The following ZNF732 variants were observed in gnomAD, a reference collection of about 807,000 sequenced individuals.
ZNF732 encodes the protein zinc finger protein LOC654254.
In ZNF732, 12 loss-of-function variants were observed where a neutral mutation model predicts 11.5. The ratio of observed to expected loss-of-function variants is 1.05; its 90% CI spans 0.67 to 1.70. ZNF732 has a LOEUF of 1.70. Among genes scored for constraint, ZNF732 ranks in the 40% most tolerant of loss-of-function variants. The probability of loss-of-function intolerance (pLI) is 0.00; values close to 1 mark genes in which losing one functional copy is unlikely to be tolerated. For missense variants in ZNF732, 702 were observed against 676.9 expected, an observed-to-expected ratio of 1.04 and a Z score of -0.41; for synonymous variants, 231 against 236.5, an observed-to-expected ratio of 0.98 and a Z score of 0.21.
At chr4:285,278 T>G (rs782617554) in intron 3 of ZNF732, among the ~76,000 whole-genome samples, 1 of 152,174 alleles carries the variant, frequency 6.6e-6, no homozygotes, top group Non-Finnish European at 1.5e-5. Context: ...CTGCTATAGA[T>G]ACTGGCCCAG....
intron 1 of ZNF732, among the ~76,000 whole-genome samples, chr4:303,992 A>C (rs1343415435): frequency 6.6e-6 from 1 of 152,218 alleles, no homozygotes; most frequent in African/African-American, 2.4e-5. Context: ...CCATAAAGGC[A>C]GAGGAGATTA....
chr4:304,299 A>G (rs569148350), intron 1 of ZNF732, among the ~76,000 whole-genome samples: 13,528 of 148,826 alleles, frequency 0.091, 663 homozygotes, highest in Middle Eastern at 0.15. Context: ...CTAAGTTCCC[A>G]GTCCCTTCTC....
intron 3 of ZNF732, among the ~76,000 whole-genome samples, chr4:280,738 G>A (rs2108654426): frequency 6.6e-6 from 1 of 152,306 alleles, no homozygotes; most frequent in East Asian, 1.9e-4. Context: ...CCCAGCTACA[G>A]AATAAAATGT....
intron 1 of ZNF732, among the ~76,000 whole-genome samples, chr4:301,289 C>T (rs542779114): frequency 9.2e-5 from 14 of 152,274 alleles, no homozygotes; most frequent in Non-Finnish European, 1.3e-4. Context: ...ACTAGTTCAA[C>T]CATTGTGGAA....
chr4:291,750 T>G (rs1719846162), intron 3 of ZNF732, among the ~76,000 whole-genome samples: 1 of 152,216 alleles, frequency 6.6e-6, no homozygotes, highest in Non-Finnish European at 1.5e-5. Flanking sequence ...CTTAAACAAT[T>G]TTAAATAACG....
intron 3 of ZNF732, among the ~76,000 whole-genome samples, chr4:278,201 T>C (rs1255120509): frequency 6.6e-6 from 1 of 152,078 alleles, no homozygotes; most frequent in Non-Finnish European, 1.5e-5. Context: ...GCAACTAGTC[T>C]CAACAATAAC....
chr4:271,199 G>T lies in ZNF732; in HGVS notation c.1658C>A (p.Thr553Asn). The part of the protein sequence containing the change: ...RVLNKYKTIH[T>N]GDKTPKCKGC... ...TTTACATTTGGGGGTTTTATCTCCA[G>T]TATGAATTGTCTTATATTTATTCAG... The change falls in exon 4 of 4, where the codon ACT becomes AAT. Residue 553 changes from threonine (T) to asparagine (N), a missense_variant. Thr to Asn is a moderately conservative substitution (Grantham distance 65, BLOSUM62 0). Around this residue, in one of 3 missense-constraint regions of ZNF732, gnomAD observed 94 missense variants for 87.5 expected, o/e 1.07. Coordinates refer to ENST00000419098, the MANE Select transcript of ZNF732 (RefSeq NM_001137608.3). The T allele has an allele frequency of 1.3e-6, 2 of 1,555,082 alleles. No homozygotes were observed. The highest frequency in any genetic ancestry group is 1.7e-6 in the Non-Finnish European group (2 of 1,148,786).
chr4:274,926 A>T (rs892813175), intron 3 of ZNF732, among the ~76,000 whole-genome samples: 1 of 151,720 alleles, frequency 6.6e-6, no homozygotes, highest in African/African-American at 2.4e-5. Context: ...TACTCACAGA[A>T]TTAAGACAAA....
chr4:274,228 A>G (rs551011994), intron 3 of ZNF732, among the ~76,000 whole-genome samples: 2 of 151,846 alleles, frequency 1.3e-5, no homozygotes, highest in Non-Finnish European at 3.0e-5. Context: ...CAACAACAAT[A>G]TGATTACTGA....
chr4:273,074 G>T (rs4629385), intron 3 of ZNF732, among the ~76,000 whole-genome samples: 2,206 of 152,164 alleles, frequency 0.014, 63 homozygotes, highest in African/African-American at 0.051. Context: ...AGTGCTGAAA[G>T]AAATGGTGAT....
intron 3 of ZNF732, among the ~76,000 whole-genome samples, chr4:294,246 C>G (rs1178071664): frequency 6.6e-6 from 1 of 152,194 alleles, no homozygotes; most frequent in African/African-American, 2.4e-5. Flanking sequence ...GTGATCCACC[C>G]ACCTCAGCCT....
Position 280,510 on chromosome 4 carries a change from G to A in ZNF732, c.227-7880C>T, listed in dbSNP as rs1426114278. 3.9e-5 allele frequency among the ~76,000 whole-genome samples: 6 copies of A among 152,234 alleles called. No homozygotes were observed. The East Asian group carries it at 1.2e-3, about 29-fold the overall frequency. On this transcript the variant is annotated intron_variant, in intron 3 of 3. Transcript: ENST00000419098. ...TGAGGCAGGAGAATTGCTTGAATCC[G>A]AGAGGCAGAGGTTGCAGTGAGCTGA...
chr4:305,064 C>A (rs922460195), intron 1 of ZNF732, among the ~76,000 whole-genome samples: 1 of 152,344 alleles, frequency 6.6e-6, no homozygotes, highest in Non-Finnish European at 1.5e-5. Flanking sequence ...CTCCTCCTCA[C>A]CCCACAGCCC....
intron 1 of ZNF732, among the ~76,000 whole-genome samples, chr4:298,938 A>G (rs1232146133): frequency 1.3e-5 from 2 of 152,162 alleles, no homozygotes; most frequent in African/African-American, 2.4e-5. Context: ...GAAGCCTCCC[A>G]CACAACTATA....
At chr4:280,397 CTGACCATCT>C (rs1431046567) in intron 3 of ZNF732, among the ~76,000 whole-genome samples, 1 of 151,576 alleles carries the variant, frequency 6.6e-6, no homozygotes, top group Admixed American at 6.6e-5. Context: ...CGAGACCAGC[CTGACCATCT>C]CTACTAAAAA....
At chr4:299,305 G>A (rs566510338) in intron 1 of ZNF732, among the ~76,000 whole-genome samples, 5 of 148,166 alleles carry the variant, frequency 3.4e-5, no homozygotes, top group African/African-American at 5.0e-5. Flanking sequence ...GAATATAAAG[G>A]TGCCCTGAAT....
chr4:305,464 G>A lies in ZNF732; in HGVS notation c.-154C>T, dbSNP rs527816907. The A allele has an allele frequency of 4.5e-6, 5 of 1,110,154 alleles. No individual in the cohort carries two copies. In the East Asian group the frequency reaches 8.1e-5, roughly 18 times the overall value. 68.8% of individuals were successfully genotyped at this position (1,110,154 alleles called of 1,614,324 possible). On this transcript the variant is annotated 5_prime_UTR_variant, in exon 1 of 4. Coordinates refer to ENST00000419098, the MANE Select transcript of ZNF732 (RefSeq NM_001137608.3). The stretch of plus-strand genomic sequence containing the variant: ...GGAGACCCTAACCGAGCTCACGCTG[G>A]CGCAAAAGGCAAAAGCCGCGCCAGA...
chr4:280,811 T>A (rs1553839648), intron 3 of ZNF732, among the ~76,000 whole-genome samples: 1 of 152,168 alleles, frequency 6.6e-6, no homozygotes, highest in Non-Finnish European at 1.5e-5. Context: ...ACTAGCACCA[T>A]CTGCAAAGAC....
intron 3 of ZNF732, among the ~76,000 whole-genome samples, chr4:272,976 TAAAAG>T (rs781897552): frequency 3.3e-5 from 5 of 152,182 alleles, no homozygotes; most frequent in East Asian, 1.9e-4. Flanking sequence ...TCTTCTTACT[TAAAAG>T]AAAAGAAAAA....
Sources: allele counts gnomAD v4.1 joint callset (sites outside exome capture counted in the v4.1 genomes callset), GRCh38; gene constraint gnomAD v4.1.1; regional missense constraint gnomAD v4.1.1; transcripts MANE v1.5; gene names NCBI Gene and HGNC (gene_info 2026-07-23, HGNC 2026-07-21).